Variants in EXOC6 observed in about 807,000 individuals in gnomAD.
EXOC6 encodes SEC15-like 1.
In EXOC6, 60 loss-of-function variants were observed where a neutral mutation model predicts 112.5. The ratio of observed to expected loss-of-function variants is 0.53; its 90% confidence interval spans 0.43 to 0.66. EXOC6 has a LOEUF of 0.66. Among genes scored for constraint, EXOC6 ranks in the 30% least tolerant of loss-of-function variants. The pLI, the probability that EXOC6 is intolerant of heterozygous loss-of-function variation, is 0.00. For synonymous variants in EXOC6, 295 were observed against 308.0 expected (o/e 0.96, Z 0.44); for missense variants, 855 against 957.1 (o/e 0.89, Z 1.41).
chr10:92,924,332 A>G (rs1348820813), intron 8 of EXOC6, among the ~76,000 whole-genome samples: 1 of 152,222 alleles, frequency 6.6e-6, no homozygotes, highest in Non-Finnish European at 1.5e-5. Flanking sequence ...TAAACAGCCA[A>G]ATGATATGGG....
intron 1 of EXOC6, among the ~76,000 whole-genome samples, chr10:92,859,764 T>G (rs1176078508): frequency 6.6e-6 from 1 of 152,054 alleles, no homozygotes; most frequent in African/African-American, 2.4e-5. Context: ...CAACAATCTT[T>G]CCTTCACTGC....
intron 21 of EXOC6, 118 bp downstream of exon 21, chr10:93,057,154 A>C: frequency 1.9e-6 from 1 of 538,484 alleles, no homozygotes; most frequent in Non-Finnish European, 3.2e-6. Flanking sequence ...TTAAAAGCTC[A>C]CTCTAGTTTA....
At chr10:92,979,735 G>A (rs1842760903) in intron 18 of EXOC6, among the ~76,000 whole-genome samples, 1 of 151,690 alleles carries the variant, frequency 6.6e-6, no homozygotes, top group South Asian at 2.1e-4. Context: ...TTGGAGAACA[G>A]CGTGGGCGAT....
chr10:92,899,491 A>G (rs899757734), intron 4 of EXOC6, 108 bp from the exon 5 acceptor site: 8 of 687,830 alleles, frequency 1.2e-5, no homozygotes, highest in Non-Finnish European at 1.9e-5. Flanking sequence ...CTCAAGTTGT[A>G]GAAGTCTAAT....
chr10:92,995,849 T>C (rs1263906779), intron 18 of EXOC6, among the ~76,000 whole-genome samples: 1 of 152,228 alleles, frequency 6.6e-6, no homozygotes, highest in Non-Finnish European at 1.5e-5. Context: ...CCGTTTCACA[T>C]ATGCAGTTTT....
At chr10:92,851,027 TAAATC>T (rs1246740644) in intron 1 of EXOC6, among the ~76,000 whole-genome samples, 11 of 152,010 alleles carry the variant, frequency 7.2e-5, no homozygotes, top group Middle Eastern at 3.4e-3. Flanking sequence ...ACACAAAAAA[TAAATC>T]AAAAGAGAAA....
At chr10:92,880,564 A>G (rs1197252076) in intron 1 of EXOC6, among the ~76,000 whole-genome samples, 1 of 152,218 alleles carries the variant, frequency 6.6e-6, no homozygotes, top group Non-Finnish European at 1.5e-5. Flanking sequence ...TTCAGTTCTC[A>G]AGGAACTTAG....
intron 7 of EXOC6, among the ~76,000 whole-genome samples, chr10:92,918,394 T>C (rs1250274413): frequency 6.6e-6 from 1 of 151,336 alleles, no homozygotes; most frequent in African/African-American, 2.4e-5. Context: ...GGTGAACAGC[T>C]GAGTGTTTAC....
intron 20 of EXOC6, among the ~76,000 whole-genome samples, chr10:93,045,870 A>G (rs1845981798): frequency 6.6e-6 from 1 of 152,266 alleles, no homozygotes; most frequent in Non-Finnish European, 1.5e-5. Context: ...ACTAGTTTAC[A>G]AAAGGAGCAG....
At chr10:92,933,414 T>C (rs1414737947) in intron 9 of EXOC6, among the ~76,000 whole-genome samples, 1 of 152,186 alleles carries the variant, frequency 6.6e-6, no homozygotes, top group African/African-American at 2.4e-5. Context: ...CTACATACTA[T>C]GCTATAAAGC....
At chr10:93,057,505 A>G (rs1846602513) in intron 21 of EXOC6, among the ~76,000 whole-genome samples, 1 of 152,140 alleles carries the variant, frequency 6.6e-6, no homozygotes, top group Admixed American at 6.5e-5. Flanking sequence ...CTGAGGTAAT[A>G]GGATTTACTG....
chr10:93,035,169 G>A (rs893265576), intron 20 of EXOC6, among the ~76,000 whole-genome samples: 7 of 152,214 alleles, frequency 4.6e-5, no homozygotes, highest in Non-Finnish European at 7.3e-5. Context: ...TAAAGGATTA[G>A]TCTGAACCTA....
At chr10:93,001,578 G>T (rs1274732703) in intron 19 of EXOC6, among the ~76,000 whole-genome samples, 1 of 152,148 alleles carries the variant, frequency 6.6e-6, no homozygotes, top group Admixed American at 6.5e-5. Context: ...AGAGCTGCCT[G>T]CCCCCTTTAT....
At chr10:93,031,724 G>A (rs1845286678) in intron 20 of EXOC6, among the ~76,000 whole-genome samples, 1 of 151,938 alleles carries the variant, frequency 6.6e-6, no homozygotes, top group African/African-American at 2.4e-5. Context: ...TGTTGGTCAG[G>A]CTGGTCTTGA....
chr10:93,003,823 A>G (rs1843862843), intron 19 of EXOC6, among the ~76,000 whole-genome samples: 1 of 152,140 alleles, frequency 6.6e-6, no homozygotes, highest in Non-Finnish European at 1.5e-5. Context: ...AGCTGGGTAA[A>G]AAGTAAAAAT....
rs117109063 is a variant in EXOC6, at chr10:92,911,471, A to G, written c.663+1840A>G. Among the ~76,000 whole-genome samples the G allele has an allele frequency of 5.4e-3, 816 of 152,310 alleles. 6 individuals carry two copies. Among genetic ancestry groups the G allele is most frequent in the Middle Eastern group, 0.014 (4 of 294 alleles). On this transcript the variant is annotated intron_variant, in intron 6 of 21. Transcript: ENST00000260762. ...AACAGTAGTTTAAAGTTCATATTCC[A>G]TTATACATTTTAATCACAAGTGTCG...
intron 8 of EXOC6, among the ~76,000 whole-genome samples, chr10:92,926,339 GT>G (rs1293759330): frequency 2.0e-5 from 3 of 151,814 alleles, no homozygotes; most frequent in African/African-American, 7.3e-5. Flanking sequence ...ATTAGACAAT[GT>G]TTTTTAAAAT....
At chr10:92,944,559 G>A (rs2133984368) in intron 13 of EXOC6, among the ~76,000 whole-genome samples, 1 of 152,124 alleles carries the variant, frequency 6.6e-6, no homozygotes, top group African/African-American at 2.4e-5. Flanking sequence ...AATTCTTTTG[G>A]TTATGCACCC....
chr10:92,858,026 C>CCCG (rs1554882183), intron 1 of EXOC6, among the ~76,000 whole-genome samples: 1 of 135,986 alleles, frequency 7.4e-6, no homozygotes, highest in African/African-American at 2.7e-5. Context: ...ACGGGTTCCC[C>CCCG]CCCTCCGCCG....
Sources: allele counts gnomAD v4.1 joint callset (sites outside exome capture counted in the v4.1 genomes callset), GRCh38; gene constraint gnomAD v4.1.1; transcripts MANE v1.5; gene names NCBI Gene and HGNC (gene_info 2026-07-23, HGNC 2026-07-21).